The following CPQ variants were observed in gnomAD, a reference collection of about 807,000 sequenced individuals.
CPQ encodes Ser-Met dipeptidase.
Under a neutral mutation model 45.7 loss-of-function variants are expected in CPQ, and 37 were observed. The ratio of observed to expected loss-of-function variants is 0.81; its 90% CI spans 0.62 to 1.07. CPQ has a LOEUF of 1.07. CPQ is among the 50% of genes least tolerant of loss of function. The pLI is 0.00. For synonymous variants in CPQ, 186 were observed against 205.8 expected (o/e 0.90, Z 0.82); for missense variants, 537 against 572.9 (o/e 0.94, Z 0.64).
intron 1 of CPQ, among the ~76,000 whole-genome samples, chr8:96,694,967 A>G (rs939853394): frequency 1.2e-4 from 18 of 152,200 alleles, no homozygotes; most frequent in African/African-American, 4.3e-4. Context: ...ACCAAAAAAG[A>G]GCCCGCATTG....
At chr8:97,122,689 A>T (rs1811726716) in intron 7 of CPQ, among the ~76,000 whole-genome samples, 1 of 151,706 alleles carries the variant, frequency 6.6e-6, no homozygotes, top group Non-Finnish European at 1.5e-5. Flanking sequence ...GTTTGAGAAC[A>T]GGCTGACCAA....
chr8:97,030,846 G>A (rs987457511), intron 6 of CPQ, among the ~76,000 whole-genome samples: 3 of 152,202 alleles, frequency 2.0e-5, no homozygotes, highest in Non-Finnish European at 2.9e-5. Flanking sequence ...TGAAGACTGA[G>A]TGGAAGTAAG....
At chr8:96,883,318 TAA>T (rs1398115107) in intron 4 of CPQ, among the ~76,000 whole-genome samples, 1 of 152,188 alleles carries the variant, frequency 6.6e-6, no homozygotes. Context: ...TGGACTGGCC[TAA>T]ATTTAAGTAC....
At chr8:96,786,678 A>G (rs922718079) in intron 2 of CPQ, among the ~76,000 whole-genome samples, 1 of 152,036 alleles carries the variant, frequency 6.6e-6, no homozygotes, top group African/African-American at 2.4e-5. Flanking sequence ...ATGCTTGCCA[A>G]CACTTGTTAT....
chr8:96,948,870 A>C (rs1813223324), intron 4 of CPQ, among the ~76,000 whole-genome samples: 1 of 151,894 alleles, frequency 6.6e-6, no homozygotes. Flanking sequence ...TTCCTGATGG[A>C]TTGACCTTTT....
chr8:96,752,662 A>G (rs963807291), intron 1 of CPQ, among the ~76,000 whole-genome samples: 1 of 152,076 alleles, frequency 6.6e-6, no homozygotes, highest in South Asian at 2.1e-4. Flanking sequence ...TTCCAACACT[A>G]TGTTGAACAG....
intron 2 of CPQ, among the ~76,000 whole-genome samples, chr8:96,815,143 G>A (rs953944770): frequency 4.0e-5 from 6 of 151,894 alleles, no homozygotes; most frequent in Non-Finnish European, 2.9e-5. Flanking sequence ...TTAAATGAAC[G>A]CTTCAAATGA....
intron 4 of CPQ, among the ~76,000 whole-genome samples, chr8:96,933,133 T>C (rs1036338016): frequency 2.6e-5 from 4 of 152,036 alleles, no homozygotes; most frequent in Non-Finnish European, 5.9e-5. Flanking sequence ...CCATGGGGAA[T>C]TGGTGATTTG....
intron 5 of CPQ, among the ~76,000 whole-genome samples, chr8:96,966,886 A>T (rs961129107): frequency 2.0e-5 from 3 of 152,228 alleles, no homozygotes; most frequent in African/African-American, 7.2e-5. Context: ...TATAGGTTTA[A>T]AGGATGTCCC....
At position 96,787,525 on chromosome 8, in the gene CPQ, CTTTTTTTTTTT is replaced by C. The variant is rs71267281; in HGVS notation, c.433+2215_433+2225del. Among the ~76,000 whole-genome samples the C allele has an allele frequency of 5.6e-3, 267 of 47,576 alleles. 1 individual carries two copies. The highest frequency in any genetic ancestry group is 0.041 in the East Asian group (37 of 894). The allele number at this position is 47,576 out of a possible 152,430, so 31.2% of individuals were successfully genotyped here. On this transcript the variant is annotated intron_variant, in intron 2 of 7. Transcript: ENST00000220763. ...TTGTAGTTTCATTTTCTTATAATGT[CTTTTTTTTTTT>C]TTTTTTTTTTTTTTTTTTTGTATCA... is the stretch of plus-strand genomic sequence containing the variant.
chr8:96,649,346 T>C (rs1815552712), intron 1 of CPQ, among the ~76,000 whole-genome samples: 1 of 152,168 alleles, frequency 6.6e-6, no homozygotes, highest in Non-Finnish European at 1.5e-5. Flanking sequence ...AGAAAATAGC[T>C]ACAGTAATAA....
chr8:97,089,262 G>T (rs1229960986), intron 7 of CPQ, among the ~76,000 whole-genome samples: 1 of 146,672 alleles, frequency 6.8e-6, no homozygotes. Flanking sequence ...AAAAAAAAGA[G>T]AAAAGAAAAG....
chr8:96,706,700 A>AT (rs1329340055), intron 1 of CPQ, among the ~76,000 whole-genome samples: 3 of 152,114 alleles, frequency 2.0e-5, no homozygotes, highest in African/African-American at 7.2e-5. Context: ...ACTGCTTTAC[A>AT]TTTTCCGGTT....
intron 4 of CPQ, among the ~76,000 whole-genome samples, chr8:96,892,361 C>T (rs1227413783): frequency 6.6e-6 from 1 of 152,104 alleles, no homozygotes; most frequent in South Asian, 2.1e-4. Context: ...TTTGTAAAAA[C>T]CTTCTTAGTG....
At chr8:96,938,420 C>G (rs578210858) in intron 4 of CPQ, among the ~76,000 whole-genome samples, 3 of 152,094 alleles carry the variant, frequency 2.0e-5, no homozygotes, top group South Asian at 2.1e-4. Context: ...GCAACAAAAC[C>G]AAATTAGGAT....
chr8:96,753,637 T>C (rs867557798), intron 1 of CPQ, among the ~76,000 whole-genome samples: 1 of 139,394 alleles, frequency 7.2e-6, no homozygotes, highest in Non-Finnish European at 1.7e-5. Flanking sequence ...GAATCTTGAA[T>C]ATGTATTTTA....
intron 4 of CPQ, among the ~76,000 whole-genome samples, chr8:96,911,587 C>T (rs1392229271): frequency 6.6e-6 from 1 of 152,192 alleles, no homozygotes. Flanking sequence ...TCCTGTTTCT[C>T]TTGTATAATG....
rs550285950 is a variant in CPQ, at chr8:96,897,506, C to T, written c.849+17501C>T. Among the ~76,000 whole-genome samples, 22 of 152,282 alleles carry T rather than the reference C, an allele frequency of 1.4e-4. No individual in the cohort carries two copies. In the South Asian group the frequency reaches 4.6e-3, roughly 32 times the overall value. On this transcript the variant is annotated intron_variant, in intron 4 of 7. Transcript: ENST00000220763. ...TGAAACTTTTTGAGTACCAACATGA[C>T]TCCACAAGTGGAAAATCCTGACCTC...
At chr8:97,091,405 A>G (rs1056156674) in intron 7 of CPQ, among the ~76,000 whole-genome samples, 2 of 152,172 alleles carry the variant, frequency 1.3e-5, no homozygotes, top group African/African-American at 4.8e-5. Context: ...CTGGCGTTCC[A>G]TGAGATTAGT....
Sources: gnomAD v4.1 joint callset for allele counts (sites outside exome capture counted in the v4.1 genomes callset) on GRCh38, gnomAD v4.1.1 for gene constraint, MANE v1.5 for transcripts, NCBI Gene and HGNC (gene_info 2026-07-23, HGNC 2026-07-21) for gene names.